DSE: variants seen among roughly 807,000 people sequenced by gnomAD.
The protein encoded by DSE is dermatan-sulfate epimerase.
Under a neutral mutation model 84.4 loss-of-function variants are expected in DSE, and 36 were observed. The observed-to-expected ratio is 0.43, with a 90% CI of 0.33 to 0.56. DSE has a LOEUF of 0.56. Among genes scored for constraint, DSE ranks in the 20% least tolerant of loss-of-function variants. The pLI, the probability that DSE is intolerant of heterozygous loss-of-function variation, is 0.06. For missense variants in DSE, 862 were observed against 1,169.6 expected (o/e 0.74, Z 3.84); for synonymous variants, 410 against 430.1 (o/e 0.95, Z 0.58).
At chr6:116,389,317 G>GTGGC (rs944141601) in intron 1 of DSE, among the ~76,000 whole-genome samples, 2 of 151,996 alleles carry the variant, frequency 1.3e-5, no homozygotes, top group African/African-American at 2.4e-5. Flanking sequence ...CCCAGGAAGT[G>GTGGC]TGGCTCCAGC....
At chr6:116,267,069 C>G (rs1364232023) in intron 2 of DSE, among the ~76,000 whole-genome samples, 2 of 152,168 alleles carry the variant, frequency 1.3e-5, no homozygotes, top group Non-Finnish European at 2.9e-5. Context: ...AAACCTACTA[C>G]ACTGCTAATC....
At chr6:116,254,213 T>C in exon 1 of DSE, 1 of 716,248 alleles carries the variant, frequency 1.4e-6, no homozygotes, top group East Asian at 2.7e-5. Flanking sequence ...CGTATTCCTT[T>C]GTCTTCTTGT....
At chr6:116,295,271 G>A (rs1774589942) in intron 2 of DSE, among the ~76,000 whole-genome samples, 1 of 152,072 alleles carries the variant, frequency 6.6e-6, no homozygotes, top group Non-Finnish European at 1.5e-5. Flanking sequence ...AGGGTTGTGG[G>A]GAGAGAGCGG....
intron 2 of DSE, among the ~76,000 whole-genome samples, chr6:116,326,187 A>G (rs1337166600): frequency 6.6e-6 from 1 of 152,128 alleles, no homozygotes; most frequent in Non-Finnish European, 1.5e-5. Flanking sequence ...GGCATAAGAC[A>G]ATATGAGGGG....
At position 116,444,714 on chromosome 6, in the gene DSE, C is replaced by T. The variant is rs1032134338; in HGVS notation, c.*7369C>T. 6.6e-6 allele frequency: 1 copy of T among 152,134 alleles called. No individual in the cohort carries two copies. The highest frequency in any genetic ancestry group is 1.5e-5 in the Non-Finnish European group (1 of 68,034). 9.4% of individuals were successfully genotyped at this position (152,134 alleles called of 1,614,324 possible). ...AGATACCCCAGAGAGGTCCCTTGTC[C>T]CTTCCAACATGTGAGGCTACAGTGA... On this transcript the variant is annotated 3_prime_UTR_variant, in exon 6 of 6. Transcript: ENST00000644252.
At chr6:116,369,917 C>T (rs1779404648), upstream of DSE, 1 of 1,289,324 alleles carries the variant, frequency 7.8e-7, no homozygotes, top group African/African-American at 1.5e-5. Context: ...ATCTCTCATT[C>T]TAATGAATGG....
chr6:116,308,139 T>C (rs1775455927), intron 2 of DSE, among the ~76,000 whole-genome samples: 1 of 152,242 alleles, frequency 6.6e-6, no homozygotes, highest in Admixed American at 6.5e-5. Flanking sequence ...GTTAACTATG[T>C]CATGGAGTGG....
At chr6:116,279,962 A>C in intron 2 of DSE, 8 of 1,326,980 alleles carry the variant, frequency 6.0e-6, no homozygotes, top group Non-Finnish European at 8.6e-6. Flanking sequence ...TCAGGACTGG[A>C]GATCTCACGG....
Position 116,411,630 on chromosome 6 carries a change from T to G in DSE, c.416+11964T>G, listed in dbSNP as rs1294305666. 1.3e-5 allele frequency among the ~76,000 whole-genome samples: 2 copies of G among 152,248 alleles called. 1 individual carries two copies. The highest frequency in any genetic ancestry group is 4.8e-5 in the African/African-American group (2 of 41,470). ...AGAAAAAAATTGGGAAATGAAGAGA[T>G]AAGAATAAATAAAATCTGTATGTAT... On this transcript the variant is annotated intron_variant, in intron 2 of 5. Transcript: ENST00000644252.
intron 2 of DSE, chr6:116,288,539 G>A (rs1002501998): frequency 2.6e-5 from 4 of 152,182 alleles, no homozygotes; most frequent in Admixed American, 2.6e-4. Context: ...TGAGGACATA[G>A]TAACCATACT....
At position 116,338,219 on chromosome 6, in the gene DSE, CTTTTTTT is replaced by C. The variant is rs893312210; in HGVS notation, c.-53-60963_-53-60957del. Among the ~76,000 whole-genome samples, 454 of 91,228 alleles carry C rather than the reference CTTTTTTT, an allele frequency of 5.0e-3. 2 individuals carry two copies. The highest frequency in any genetic ancestry group is 0.014 in the Admixed American group (105 of 7,464). 59.8% of individuals were successfully genotyped at this position (91,228 alleles called of 152,430 possible). ...TTTCTTCTTACCTTCTTTCTTCTTT[CTTTTTTT>C]TTTTTTTTTTTTTTTGACGGAGGTT... is the stretch of plus-strand genomic sequence containing the variant. On this transcript the variant is annotated intron_variant, in intron 2 of 3. Transcript: ENST00000430252.
chr6:116,258,456 A>C, exon 2 of DSE: 1 of 876,774 alleles, frequency 1.1e-6, no homozygotes, highest in Non-Finnish European at 2.0e-6. Context: ...GGCTGCCCTG[A>C]AGGGCAGACA....
At chr6:116,320,313 C>A (rs1776224607) in intron 2 of DSE, among the ~76,000 whole-genome samples, 1 of 152,040 alleles carries the variant, frequency 6.6e-6, no homozygotes, top group African/African-American at 2.4e-5. Flanking sequence ...ACTTGTGGGA[C>A]TTTCTGAATC....
chr6:116,395,988 A>G (rs750958606), intron 1 of DSE, among the ~76,000 whole-genome samples: 8 of 152,218 alleles, frequency 5.3e-5, no homozygotes, highest in Non-Finnish European at 8.8e-5. Context: ...TTTAGGCTAC[A>G]TAAGTTTCTA....
intron 2 of DSE, among the ~76,000 whole-genome samples, chr6:116,327,051 C>T (rs745901566): frequency 2.6e-5 from 4 of 152,082 alleles, no homozygotes; most frequent in East Asian, 1.9e-4. Context: ...CCTTCTAACT[C>T]GAGCGGAAAT....
intron 2 of DSE, among the ~76,000 whole-genome samples, chr6:116,309,747 TCTC>T (rs1261343127): frequency 6.6e-6 from 1 of 152,176 alleles, no homozygotes; most frequent in Non-Finnish European, 1.5e-5. Flanking sequence ...AACACCATGT[TCTC>T]CTGAAGGGAG....
chr6:116,436,952 G>A lies in DSE; in HGVS notation c.2484G>A (p.Gln828=). ...ATGCTGTCCCTGATATTTTTGCACA[G>A]ATTGAAGTCAATGAGAAAAAGATTA... ...FVDAVPDIFA[Q]IEVNEKKIRQ... The change falls in exon 6 of 6, where the codon CAG becomes CAA. Residue 828 remains glutamine (Q), a synonymous_variant. Transcript: ENST00000644252. The A allele has an allele frequency of 6.2e-7, 1 of 1,614,024 alleles. No individual in the cohort carries two copies. The highest frequency in any genetic ancestry group is 1.1e-5 in the South Asian group (1 of 91,072).
At chr6:116,392,998 A>G (rs1781010037) in intron 1 of DSE, among the ~76,000 whole-genome samples, 1 of 152,160 alleles carries the variant, frequency 6.6e-6, no homozygotes, top group South Asian at 2.1e-4. Context: ...TTGCAGTGGC[A>G]GCAGGTGTCC....
At chr6:116,407,804 T>C (rs1292879296) in intron 2 of DSE, among the ~76,000 whole-genome samples, 1 of 152,220 alleles carries the variant, frequency 6.6e-6, no homozygotes, top group Non-Finnish European at 1.5e-5. Context: ...ATCCAGAGCT[T>C]AGAGATTTTT....
Sources: allele counts gnomAD v4.1 joint callset (sites outside exome capture counted in the v4.1 genomes callset), GRCh38; gene constraint gnomAD v4.1.1; transcripts MANE v1.5; gene names NCBI Gene and HGNC (gene_info 2026-07-23, HGNC 2026-07-21).